Variants in MVB12B observed in about 807,000 individuals in gnomAD.
MVB12B encodes multivesicular body subunit 12B, also known as ESCRT-I complex subunit MVB12B.
MVB12B carries 16 observed loss-of-function variants against 41.6 expected under a neutral mutation model. The ratio of observed to expected loss-of-function variants is 0.38; its 90% CI spans 0.26 to 0.58. The LOEUF (loss-of-function observed/expected upper bound fraction) is 0.58, where lower values mean the gene tolerates loss of function less well. MVB12B is among the 20% of genes least tolerant of loss of function. The pLI is 0.62. For missense variants in MVB12B, 274 were observed against 380.2 expected (o/e 0.72, Z 2.32); for synonymous variants, 133 against 139.7 (o/e 0.95, Z 0.34).
At chr9:126,488,805 C>A (rs1833674131) in intron 9 of MVB12B, among the ~76,000 whole-genome samples, 1 of 152,230 alleles carries the variant, frequency 6.6e-6, no homozygotes, top group Non-Finnish European at 1.5e-5. Flanking sequence ...TAACTGTCCT[C>A]ACCATGCCCT....
rs1830789502 is a variant in MVB12B, at chr9:126,386,254, C to T, written c.313-308C>T. Among the ~76,000 whole-genome samples the T allele has an allele frequency of 1.3e-5, 2 of 152,178 alleles. No individual in the cohort carries two copies. The highest frequency in any genetic ancestry group is 2.9e-5 in the Non-Finnish European group (2 of 68,036). On this transcript the variant is annotated intron_variant, in intron 3 of 9. Coordinates refer to ENST00000361171, the MANE Select transcript of MVB12B (RefSeq NM_033446.3). The surrounding 1 kb of genome is among the most constrained non-coding windows in gnomAD (Gnocchi z 4.3). Reference sequence around the variant, plus strand: ...CTCAGGGCTGAATGGCAGCCTGGTCCTGGGACCTGTGTGCACAGCTGCCCT... The same window carrying T: ...CTCAGGGCTGAATGGCAGCCTGGTCTTGGGACCTGTGTGCACAGCTGCCCT...
rs1833356294 is a variant in MVB12B, at chr9:126,473,465, A to G, written c.758-7904A>G. Among the ~76,000 whole-genome samples the G allele has an allele frequency of 6.6e-6, 1 of 152,208 alleles. No individual in the cohort carries two copies. The highest frequency in any genetic ancestry group is 1.5e-5 in the Non-Finnish European group (1 of 68,032). The stretch of plus-strand genomic sequence containing the variant: ...TTATAAGAAAAGGTTTAATTGACTC[A>G]TGGTTCTGCAGGCTGTACAGGAAGC... On this transcript the variant is annotated intron_variant, in intron 7 of 9. Coordinates refer to ENST00000361171, the MANE Select transcript of MVB12B (RefSeq NM_033446.3). The surrounding 1 kb of genome is among the most constrained non-coding windows in gnomAD (Gnocchi z 4.0).
In MVB12B at chr9:126,340,370, T is replaced by A; in HGVS notation, c.82-138T>A. On this transcript the variant is annotated intron_variant, in intron 1 of 9. Transcript: ENST00000361171. The surrounding 1 kb of genome is among the most constrained non-coding windows in gnomAD (Gnocchi z 4.0). Reference sequence around the variant, plus strand: ...GACCTGGGGAAAGGGTCACATAGGGTCAGGACTCATTCAACCAGTACAGGT... The same window carrying A: ...GACCTGGGGAAAGGGTCACATAGGGACAGGACTCATTCAACCAGTACAGGT... 4 of 864,254 alleles carry A rather than the reference T, an allele frequency of 4.6e-6. No individual in the cohort carries two copies. The South Asian group carries it at 6.7e-5, about 14-fold the overall frequency. 53.5% of individuals were successfully genotyped at this position (864,254 alleles called of 1,614,324 possible).
chr9:126,439,360 G>A (rs753293899), intron 7 of MVB12B, among the ~76,000 whole-genome samples: 1 of 152,090 alleles, frequency 6.6e-6, no homozygotes, highest in Non-Finnish European at 1.5e-5. Flanking sequence ...GGGAGTCTGG[G>A]GTCTCCACAG....
chr9:126,501,549 GC>G (rs1833957551), intron 9 of MVB12B, among the ~76,000 whole-genome samples: 1 of 152,230 alleles, frequency 6.6e-6, no homozygotes, highest in African/African-American at 2.4e-5. Context: ...TCCCGGGTCA[GC>G]CTGGGGACTG....
At chr9:126,371,504 C>A (rs574762336) in intron 2 of MVB12B, among the ~76,000 whole-genome samples, 1 of 152,332 alleles carries the variant, frequency 6.6e-6, no homozygotes, top group East Asian at 1.9e-4. Context: ...GGAATAGGGA[C>A]CTGCTTTCTG....
chr9:126,490,764 TGAA>T (rs1269477287), intron 9 of MVB12B, among the ~76,000 whole-genome samples: 3 of 152,364 alleles, frequency 2.0e-5, no homozygotes, highest in East Asian at 3.9e-4. Flanking sequence ...ACATATTTAA[TGAA>T]GAAGTTATAA....
chr9:126,464,493 G>A (rs1488506397), intron 7 of MVB12B, among the ~76,000 whole-genome samples: 1 of 152,168 alleles, frequency 6.6e-6, no homozygotes, highest in Non-Finnish European at 1.5e-5. Flanking sequence ...ATAAGCTTTA[G>A]GAGACATTGA....
intron 1 of MVB12B, among the ~76,000 whole-genome samples, chr9:126,338,118 C>G (rs1164231188): frequency 6.6e-6 from 1 of 152,114 alleles, no homozygotes; most frequent in East Asian, 1.9e-4. Context: ...TCGACTGCAG[C>G]CCGCGCGGCC....
At chr9:126,411,910 G>T (rs1426565062) in intron 6 of MVB12B, among the ~76,000 whole-genome samples, 1 of 152,226 alleles carries the variant, frequency 6.6e-6, no homozygotes, top group African/African-American at 2.4e-5. Flanking sequence ...GGGACTTGGA[G>T]CAGGAATCCT....
intron 9 of MVB12B, among the ~76,000 whole-genome samples, chr9:126,493,842 G>A (rs1021088582): frequency 1.3e-5 from 2 of 152,126 alleles, no homozygotes; most frequent in African/African-American, 4.8e-5. Flanking sequence ...ATATCCCTCT[G>A]GCTTCTTTTA....
At chr9:126,412,741 C>T (rs760925954) in intron 6 of MVB12B, among the ~76,000 whole-genome samples, 6 of 152,238 alleles carry the variant, frequency 3.9e-5, no homozygotes, top group Non-Finnish European at 8.8e-5. Context: ...CTAAGTTACT[C>T]CCTCCAGCCC....
chr9:126,418,207 G>A (rs1161875442), intron 6 of MVB12B, among the ~76,000 whole-genome samples: 2 of 151,888 alleles, frequency 1.3e-5, no homozygotes, highest in Non-Finnish European at 2.9e-5. Flanking sequence ...TCCAACGAGG[G>A]AAGAGAACCT....
rs905591669 is a variant in MVB12B at position 126,503,297 on chromosome 9, C to T, written c.*34C>T. The stretch of plus-strand genomic sequence containing the variant: ...CGGCCACCTGCGGGGAGACCACCGC[C>T]GCCCAGACTACTGACGGCAGGGGCT... On this transcript the variant is annotated 3_prime_UTR_variant, in exon 10 of 10. Coordinates refer to ENST00000361171, the MANE Select transcript of MVB12B (RefSeq NM_033446.3). The T allele has an allele frequency of 2.7e-5, 41 of 1,515,772 alleles. 1 individual carries two copies. The Middle Eastern group carries it at 5.1e-4, about 19-fold the overall frequency. 93.9% of individuals were successfully genotyped at this position (1,515,772 alleles called of 1,614,324 possible).
intron 1 of MVB12B, among the ~76,000 whole-genome samples, chr9:126,329,824 T>C (rs1466355066): frequency 6.6e-6 from 1 of 152,082 alleles, no homozygotes; most frequent in Non-Finnish European, 1.5e-5. Flanking sequence ...GGTTGGGTTG[T>C]GGAGGGGAGG....
At position 126,468,670 on chromosome 9, in the gene MVB12B, C is replaced by T. The variant is rs1304553198; in HGVS notation, c.758-12699C>T. Among the ~76,000 whole-genome samples the T allele has an allele frequency of 3.3e-5, 5 of 152,240 alleles. No individual in the cohort carries two copies. Among genetic ancestry groups the T allele is most frequent in the African/African-American group, 1.2e-4 (5 of 41,468 alleles). On this transcript the variant is annotated intron_variant, in intron 7 of 9. Transcript: ENST00000361171. This position sits in a 1 kb window ranked among gnomAD's most constrained non-coding sequence, Gnocchi z 4.3. ...CTGGTTCAGTGTCAGAACTTCCTCCCTGGTGTTCCTGCTCCAGCCTCACTC... is the reference window on the plus strand; with the variant it reads ...CTGGTTCAGTGTCAGAACTTCCTCCTTGGTGTTCCTGCTCCAGCCTCACTC...
intron 2 of MVB12B, among the ~76,000 whole-genome samples, chr9:126,354,770 G>A (rs1829837531): frequency 6.6e-6 from 1 of 152,022 alleles, no homozygotes; most frequent in Non-Finnish European, 1.5e-5. Context: ...GGGAATCTGG[G>A]GACAGGGTAT....
chr9:126,399,235 G>A (rs114953381), intron 6 of MVB12B, among the ~76,000 whole-genome samples: 1,889 of 152,282 alleles, frequency 0.012, 17 homozygotes, highest in Middle Eastern at 0.031. Context: ...TACAGACATC[G>A]CCACACACAT....
At chr9:126,472,768 C>T (rs1833342511) in intron 7 of MVB12B, among the ~76,000 whole-genome samples, 1 of 152,126 alleles carries the variant, frequency 6.6e-6, no homozygotes, top group African/African-American at 2.4e-5. Flanking sequence ...ATGCATCATG[C>T]CATTTTTAAG....
Sources: gnomAD v4.1 joint callset for allele counts (sites outside exome capture counted in the v4.1 genomes callset) on GRCh38, gnomAD v4.1.1 for gene constraint, Gnocchi (gnomAD v3.1) non-coding constraint, MANE v1.5 for transcripts, NCBI Gene and HGNC (gene_info 2026-07-23, HGNC 2026-07-21) for gene names.